Variants in GP2 observed in about 807,000 individuals in gnomAD.
GP2 encodes the protein pancreatic secretory granule membrane major glycoprotein GP2.
GP2 carries 58 observed loss-of-function variants against 60.8 expected under a neutral mutation model. The ratio of observed to expected loss-of-function variants is 0.95; its 90% confidence interval spans 0.77 to 1.19. The LOEUF is 1.19. Ranked by LOEUF, GP2 falls within the 50% of genes most tolerant of loss-of-function variation. The pLI is 0.00. For synonymous variants in GP2, 280 were observed against 253.4 expected (o/e 1.10, Z -1.00); for missense variants, 647 against 667.4 (o/e 0.97, Z 0.34).
rs1369329746 is a variant in GP2, at chr16:20,310,822, T to C, written c.*401A>G. 1 of 159,756 alleles carries C rather than the reference T, an allele frequency of 6.3e-6. No homozygotes were observed. The highest frequency in any genetic ancestry group is 2.6e-5 in the African/African-American group (1 of 39,200). 9.9% of individuals were successfully genotyped at this position (159,756 alleles called of 1,614,324 possible). ...CCCAGGCTGGAGTGCAATGGCACAA[T>C]CTCAACTCACTGCAACCTCCACCCC... On this transcript the variant is annotated 3_prime_UTR_variant, in exon 11 of 11. Coordinates refer to ENST00000302555, the MANE Select transcript of GP2 (RefSeq NM_001502.4).
chr16:20,324,960 C>A (rs1318679136), intron 2 of GP2, among the ~76,000 whole-genome samples: 4 of 152,246 alleles, frequency 2.6e-5, no homozygotes, highest in African/African-American at 9.6e-5. Flanking sequence ...ATCCCACCAG[C>A]ATGCCCCAAA....
At chr16:20,320,512 G>T in intron 4 of GP2, 39 bp from the exon 5 acceptor site, 2 of 1,375,712 alleles carry the variant, frequency 1.5e-6, no homozygotes, top group Non-Finnish European at 2.1e-6. Context: ...ATGGACATGA[G>T]TCTGGAAGCC....
Position 20,311,103 on chromosome 16 carries a change from T to C in GP2, c.*120A>G, listed in dbSNP as rs11647569. ...AGCTCTTCCCTTTTCCTAACCTAGCTTGGCCTTGATTCTATTAATACCAAG... is the reference window on the plus strand; with the variant it reads ...AGCTCTTCCCTTTTCCTAACCTAGCCTGGCCTTGATTCTATTAATACCAAG... On this transcript the variant is annotated 3_prime_UTR_variant, in exon 11 of 11. Transcript: ENST00000302555. 666,559 of 684,594 alleles carry C rather than the reference T, an allele frequency of 0.97. 325,816 individuals carry two copies. The highest frequency in any genetic ancestry group is 1 in the Non-Finnish European group (376,649 of 377,178). The allele number at this position is 684,594 out of a possible 1,614,324, so 42.4% of individuals were successfully genotyped here. A position where few individuals can be genotyped will look rare whatever the true frequency, so the allele number is the denominator to read the frequency against.
chr16:20,320,117 T>C, intron 5 of GP2, 145 bp downstream of exon 5: 1 of 639,108 alleles, frequency 1.6e-6, no homozygotes, highest in South Asian at 1.9e-5. Context: ...TACTAAGCTC[T>C]TTATGTAAAC....
At chr16:20,323,330 AG>A (rs951073202) in intron 3 of GP2, 3 of 717,010 alleles carry the variant, frequency 4.2e-6, no homozygotes, top group Non-Finnish European at 7.8e-6. Context: ...ATACTAGGAG[AG>A]CCCCTTAATC....
At position 20,315,990 on chromosome 16, in the gene GP2, G is replaced by C. The variant is rs1330728815; in HGVS notation, c.1467C>G (p.Ala489=). The C allele has an allele frequency of 5.0e-6, 8 of 1,613,404 alleles. No individual in the cohort carries two copies. Among genetic ancestry groups the C allele is most frequent in the Non-Finnish European group, 5.9e-6 (7 of 1,179,408 alleles). The change falls in exon 9 of 11, where the codon GCC becomes GCG. Residue 489 remains alanine (A), a synonymous_variant. Transcript: ENST00000302555. ...TGATGGGCCCCAAATCTAGAACCCG[G>C]GCTAGGTCGATGGCCGGTACTTCAC... The part of the protein sequence containing the change: ...VRSEVPAIDL[A]RVLDLGPITR...
intron 10 of GP2, among the ~76,000 whole-genome samples, chr16:20,313,236 G>A (rs1338956681): frequency 6.9e-6 from 1 of 144,264 alleles, no homozygotes; most frequent in Non-Finnish European, 1.5e-5. Flanking sequence ...ATGTAAAAAT[G>A]TTCTCTCTCT....
chr16:20,323,629 T>C (rs1317656951), intron 3 of GP2, 187 bp downstream of exon 3: 3 of 605,586 alleles, frequency 5.0e-6, no homozygotes, highest in Non-Finnish European at 8.9e-6. Flanking sequence ...CACCCTTGAA[T>C]GGGAATTTCT....
intron 5 of GP2, 68 bp from the exon 6 acceptor site, chr16:20,319,836 G>A: frequency 1.6e-6 from 2 of 1,268,490 alleles, no homozygotes; most frequent in South Asian, 1.3e-5. Flanking sequence ...CTCAAATCCA[G>A]ATCTGATTTC....
chr16:20,323,118 T>A, intron 3 of GP2, 139 bp from the exon 4 acceptor site: 1 of 628,124 alleles, frequency 1.6e-6, no homozygotes, highest in Admixed American at 2.5e-5. Flanking sequence ...GCATCAAGCC[T>A]GACTCCCAGT....
chr16:20,325,061 T>C (rs1270599264), intron 2 of GP2, among the ~76,000 whole-genome samples: 3 of 152,256 alleles, frequency 2.0e-5, no homozygotes, highest in Non-Finnish European at 4.4e-5. Flanking sequence ...TGATTGTTGA[T>C]CTACCATTTT....
intron 3 of GP2, 86 bp from the exon 4 acceptor site, chr16:20,323,065 G>T (rs777825886): frequency 3.2e-5 from 23 of 720,866 alleles, no homozygotes; most frequent in Non-Finnish European, 4.4e-5. Flanking sequence ...TCATTTCACC[G>T]GGGCACAAGA....
At chr16:20,323,150 C>T (rs866426477) in intron 3 of GP2, among the ~76,000 whole-genome samples, 171 bp from the exon 4 acceptor site, 1 of 152,188 alleles carries the variant, frequency 6.6e-6, no homozygotes, top group South Asian at 2.1e-4. Context: ...AGTGAGAGCC[C>T]TAAAGCTGCC....
chr16:20,312,970 C>T (rs1964033452), intron 10 of GP2, among the ~76,000 whole-genome samples: 1 of 152,114 alleles, frequency 6.6e-6, no homozygotes, highest in Admixed American at 6.6e-5. Context: ...TTAGAATGAG[C>T]TCTAACCACT....
At chr16:20,325,767 G>GA (rs1189789247) in intron 2 of GP2, among the ~76,000 whole-genome samples, 5 of 152,094 alleles carry the variant, frequency 3.3e-5, no homozygotes, top group Admixed American at 6.5e-5. Context: ...GGGCCTTTCA[G>GA]AAAAAAAGAT....
chr16:20,320,564 A>T, intron 4 of GP2, 91 bp from the exon 5 acceptor site: 1 of 842,302 alleles, frequency 1.2e-6, no homozygotes, highest in Non-Finnish European at 2.0e-6. Context: ...GACCCAGAAG[A>T]TTATGTAGAC....
Position 20,311,354 on chromosome 16 carries a change from G to T in GP2, c.1547-73C>A, listed in dbSNP as rs1037920310. On this transcript the variant is annotated intron_variant, in intron 10 of 10. Coordinates refer to ENST00000302555, the MANE Select transcript of GP2 (RefSeq NM_001502.4). ...GGAGCAAACATAAGTTGGCCTCTTT[G>T]TCTTTCACAACACAAGGATGAGAAA... 6.8e-6 allele frequency: 6 copies of T among 881,042 alleles called. No individual in the cohort carries two copies. In the Admixed American group the frequency reaches 8.6e-5, roughly 13 times the overall value. The allele number at this position is 881,042 out of a possible 1,614,324, so 54.6% of individuals were successfully genotyped here. A position where few individuals can be genotyped will look rare whatever the true frequency, so the allele number is the denominator to read the frequency against.
rs1042533335 is a variant in GP2, at chr16:20,324,314, T to C, written c.95-58A>G. On this transcript the variant is annotated intron_variant, in intron 2 of 10. Transcript: ENST00000302555. ...TGAGCAATGCCAGAACCTACAGGAT[T>C]TTTTCCCCTCCATGCTCTATTTTGG... 16 of 1,156,860 alleles carry C rather than the reference T, an allele frequency of 1.4e-5. No individual in the cohort carries two copies. In the African/African-American group the frequency reaches 2.1e-4, roughly 15 times the overall value. 71.7% of individuals were successfully genotyped at this position (1,156,860 alleles called of 1,614,324 possible).
chr16:20,315,836 G>A, intron 9 of GP2, 120 bp downstream of exon 9: 1 of 697,708 alleles, frequency 1.4e-6, no homozygotes. Flanking sequence ...AGGTTTTTCA[G>A]TAAGGGTCAG....
Sources: allele counts gnomAD v4.1 joint callset (sites outside exome capture counted in the v4.1 genomes callset), GRCh38; gene constraint gnomAD v4.1.1; transcripts MANE v1.5; gene names NCBI Gene and HGNC (gene_info 2026-07-23, HGNC 2026-07-21).